ZNF439: variants seen among roughly 807,000 people sequenced by gnomAD.
The protein encoded by ZNF439 is zinc finger protein 439.
In ZNF439, 40 loss-of-function variants were observed where a neutral mutation model predicts 47.3. The observed-to-expected ratio is 0.85, with a 90% confidence interval of 0.66 to 1.10. The LOEUF is 1.10. Among genes scored for constraint, ZNF439 ranks in the 50% least tolerant of loss-of-function variants. The pLI, the probability that ZNF439 is intolerant of heterozygous loss-of-function variation, is 0.00. For missense variants in ZNF439, 556 were observed against 601.1 expected, an observed-to-expected ratio of 0.93 and a Z score of 0.78; for synonymous variants, 171 against 198.8, an observed-to-expected ratio of 0.86 and a Z score of 1.18.
intron 1 of ZNF439, among the ~76,000 whole-genome samples, chr19:11,860,652 G>T (rs1471021052): frequency 6.6e-6 from 1 of 152,170 alleles, no homozygotes; most frequent in African/African-American, 2.4e-5. Context: ...GGGGTCGGGG[G>T]CACCTTGCTT....
chr19:11,854,417 G>A (rs531422499), intron 1 of ZNF439, among the ~76,000 whole-genome samples: 4 of 152,208 alleles, frequency 2.6e-5, no homozygotes, highest in Non-Finnish European at 4.4e-5. Flanking sequence ...ACAGATTAAT[G>A]GGAATCCATA....
chr19:11,857,059 T>C (rs865980302), intron 1 of ZNF439: 1 of 152,240 alleles, frequency 6.6e-6, no homozygotes, highest in Middle Eastern at 3.2e-3. Context: ...CTCTGAGCGT[T>C]GAGCTGAAAG....
chr19:11,851,357 T>A (rs1010072999), intron 1 of ZNF439, among the ~76,000 whole-genome samples: 1 of 152,224 alleles, frequency 6.6e-6, no homozygotes, highest in African/African-American at 2.4e-5. Flanking sequence ...AAAGCATAAC[T>A]ATAATTACCT....
At chr19:11,864,787 TTTTC>T (rs1247625518) in intron 1 of ZNF439, among the ~76,000 whole-genome samples, 4 of 152,090 alleles carry the variant, frequency 2.6e-5, no homozygotes, top group African/African-American at 7.2e-5. Context: ...CAAGATATTG[TTTTC>T]TTTCTTTCTT....
rs1050509641 is a variant in ZNF439 at position 11,867,762 on chromosome 19, C to A, written c.708C>A (p.Ile236=). Residue 236 remains isoleucine, a synonymous_variant, in exon 4 of 4, where the codon ATC becomes ATA. Transcript: ENST00000682736. ...KAFHCLSLYL[I]HERTHTGEKP... ...TCCATTGTCTCAGTTTATATCTTAT[C>A]CATGAAAGAACTCACACTGGAGAGA... 5 of 1,613,900 alleles carry A rather than the reference C, an allele frequency of 3.1e-6. No homozygotes were observed. The highest frequency in any genetic ancestry group is 4.2e-6 in the Non-Finnish European group (5 of 1,179,992).
chr19:11,850,500 C>G (rs1466373646), intron 1 of ZNF439: 1 of 151,936 alleles, frequency 6.6e-6, no homozygotes, highest in East Asian at 1.9e-4. Flanking sequence ...GACTTGTCAA[C>G]CGGAAATAAT....
intron 1 of ZNF439, among the ~76,000 whole-genome samples, chr19:11,853,971 C>T (rs1976318347): frequency 1.3e-5 from 2 of 152,170 alleles, no homozygotes; most frequent in Admixed American, 6.5e-5. Flanking sequence ...TTATTTAAGT[C>T]AAGAATTTTG....
At chr19:11,864,111 A>T (rs1264870217) in intron 1 of ZNF439, among the ~76,000 whole-genome samples, 1 of 152,220 alleles carries the variant, frequency 6.6e-6, no homozygotes, top group Non-Finnish European at 1.5e-5. Context: ...AGGAGATATC[A>T]ACCCATTTAT....
At chr19:11,862,748 T>G (rs558273964) in intron 1 of ZNF439, among the ~76,000 whole-genome samples, 2 of 152,094 alleles carry the variant, frequency 1.3e-5, no homozygotes, top group East Asian at 1.9e-4. Context: ...TTCTGTTGTT[T>G]TTTTTTTTCT....
In ZNF439 at chr19:11,867,499, G is replaced by C. The variant is rs754685145; in HGVS notation, c.445G>C (p.Gly149Arg). ...TAATATGAACATCAGAGGTGACACT[G>C]GACACAAGGCATGTGAATGTCAGGA... ...SSNMNIRGDT[G>R]HKACECQEYG... Residue 149 changes from glycine to arginine, a missense_variant, in exon 4 of 4, where the codon GGA becomes CGA. Gly to Arg is a moderately radical substitution (Grantham distance 125). Transcript: ENST00000682736. The C allele has an allele frequency of 1.1e-5, 17 of 1,614,106 alleles. No individual in the cohort carries two copies. The highest frequency in any genetic ancestry group is 3.3e-4 in the Middle Eastern group (2 of 6,062).
chr19:11,866,900 A>G (rs571439539), intron 3 of ZNF439, among the ~76,000 whole-genome samples: 2 of 152,186 alleles, frequency 1.3e-5, no homozygotes, highest in South Asian at 2.1e-4. Context: ...TGTGGTATGC[A>G]TCCGTAGTCC....
At chr19:11,863,771 T>G (rs1211356422) in intron 1 of ZNF439, among the ~76,000 whole-genome samples, 4 of 152,210 alleles carry the variant, frequency 2.6e-5, no homozygotes, top group Non-Finnish European at 5.9e-5. Flanking sequence ...ATTTTCCATT[T>G]AAGTAAATGA....
In ZNF439 at chr19:11,868,443, G is replaced by C. The variant is rs771196023; in HGVS notation, c.1389G>C (p.Arg463Ser). Residue 463 changes from arginine to serine, a missense_variant, in exon 4 of 4, where the codon AGG (arginine) becomes AGC (serine). Arg to Ser is a moderately radical substitution (Grantham distance 110). Transcript: ENST00000682736. ...CCTCACAACTTCGAATCCATCGTAG[G>C]ATTCACACTGGAGAGAAACCCTATG... ...RSASQLRIHR[R>S]IHTGEKPYEC... 6.2e-7 allele frequency: 1 copy of C among 1,613,472 alleles called. No individual in the cohort carries two copies. The highest frequency in any genetic ancestry group is 1.3e-5 in the African/African-American group (1 of 74,764).
chr19:11,856,619 T>C (rs1307444664), intron 1 of ZNF439: 1 of 152,218 alleles, frequency 6.6e-6, no homozygotes, highest in Non-Finnish European at 1.5e-5. Context: ...GCCTTGTGGA[T>C]TGCATCCTTC....
intron 1 of ZNF439, among the ~76,000 whole-genome samples, chr19:11,862,565 A>G (rs1426824203): frequency 6.6e-6 from 1 of 152,194 alleles, no homozygotes; most frequent in African/African-American, 2.4e-5. Context: ...TACTGAATCC[A>G]TAAGACCGTG....
intron 1 of ZNF439, among the ~76,000 whole-genome samples, chr19:11,862,546 G>C (rs1976566422): frequency 6.6e-6 from 1 of 152,034 alleles, no homozygotes; most frequent in South Asian, 2.1e-4. Context: ...CAATATGTAG[G>C]AATGAGACTA....
rs747913480 is a variant in ZNF439, at chr19:11,868,138, A to C, written c.1084A>C (p.Lys362Gln). ...CTCTGGAGAAAGACCTTATGAATGT[A>C]AGACATGTGGGAAAGGCTTTTATTC... Reference protein sequence around the residue: ...MHSGERPYECKTCGKGFYSAK... With the variant: ...MHSGERPYECQTCGKGFYSAK... Residue 362 changes from lysine (K) to glutamine (Q), a missense_variant, in exon 4 of 4, where the codon AAG becomes CAG. Transcript: ENST00000682736. 50 of 1,614,084 alleles carry C rather than the reference A, an allele frequency of 3.1e-5. No homozygotes were observed. Among genetic ancestry groups the C allele is most frequent in the Admixed American group, 5.0e-5 (3 of 60,000 alleles).
At chr19:11,854,574 A>G (rs984686923) in intron 1 of ZNF439, among the ~76,000 whole-genome samples, 1 of 152,218 alleles carries the variant, frequency 6.6e-6, no homozygotes, top group Non-Finnish European at 1.5e-5. Flanking sequence ...CCTGGCCAAC[A>G]TGGTGAAACC....
chr19:11,865,396 GTTTC>G (rs1327173398), intron 1 of ZNF439, among the ~76,000 whole-genome samples: 4 of 149,432 alleles, frequency 2.7e-5, no homozygotes, highest in Non-Finnish European at 5.9e-5. Context: ...CATAATGGAT[GTTTC>G]TTTCTACTTA....
Sources: allele counts gnomAD v4.1 joint callset (sites outside exome capture counted in the v4.1 genomes callset), GRCh38; gene constraint gnomAD v4.1.1; transcripts MANE v1.5; gene names NCBI Gene and HGNC (gene_info 2026-07-23, HGNC 2026-07-21).